The following ALPK2 variants were observed in gnomAD, a reference collection of about 807,000 sequenced individuals.
ALPK2 encodes alpha-protein kinase 2.
In ALPK2, 127 loss-of-function variants were observed where a neutral mutation model predicts 163.1. That is an observed-to-expected ratio of 0.78 (90% CI 0.67 to 0.90). ALPK2 has a LOEUF of 0.90. ALPK2 is among the 40% of genes least tolerant of loss of function. The pLI is 0.00. For missense variants in ALPK2, 2,360 were observed against 2,589.6 expected (o/e 0.91, Z 1.92); for synonymous variants, 953 against 959.1 (o/e 0.99, Z 0.12).
intron 1 of ALPK2, among the ~76,000 whole-genome samples, chr18:58,617,810 AC>A (rs1021906538): frequency 1.6e-4 from 25 of 152,220 alleles, no homozygotes; most frequent in Admixed American, 1.6e-3. Flanking sequence ...TACAGTGTCA[AC>A]CCAATCCGTA....
chr18:58,593,685 C>T (rs1438795474), intron 3 of ALPK2, among the ~76,000 whole-genome samples: 2 of 151,726 alleles, frequency 1.3e-5, no homozygotes, highest in Admixed American at 6.6e-5. Context: ...TAACACCAGC[C>T]TGGCCAACAT....
chr18:58,581,846 G>A (rs1189653006), intron 3 of ALPK2, among the ~76,000 whole-genome samples: 1 of 152,162 alleles, frequency 6.6e-6, no homozygotes, highest in Non-Finnish European at 1.5e-5. Flanking sequence ...TGTTCTTTGT[G>A]TGAAATACAC....
chr18:58,620,894 G>T (rs181535621), intron 1 of ALPK2, among the ~76,000 whole-genome samples: 56 of 152,268 alleles, frequency 3.7e-4, no homozygotes, highest in Non-Finnish European at 7.1e-4. Flanking sequence ...GGTGGCTCCC[G>T]TGTGTAATCC....
chr18:58,525,413 T>C (rs2051579240), intron 6 of ALPK2, among the ~76,000 whole-genome samples: 1 of 152,182 alleles, frequency 6.6e-6, no homozygotes, highest in Middle Eastern at 3.2e-3. Flanking sequence ...TCCAAGGCTC[T>C]AGGATTGGCA....
At chr18:58,543,420 G>A (rs2051701700) in intron 4 of ALPK2, 2 of 985,264 alleles carry the variant, frequency 2.0e-6, no homozygotes, top group African/African-American at 3.5e-5. Flanking sequence ...GGCAGTCTGT[G>A]CGTTGATACA....
chr18:58,566,348 G>C (rs746637723), intron 4 of ALPK2: 19 of 152,114 alleles, frequency 1.2e-4, no homozygotes, highest in Non-Finnish European at 2.5e-4. Context: ...TCTTTCCTCA[G>C]TTTGGTTTAT....
intron 4 of ALPK2, among the ~76,000 whole-genome samples, chr18:58,553,855 T>G (rs1339023457): frequency 5.8e-5 from 4 of 68,384 alleles, no homozygotes; most frequent in African/African-American, 2.1e-4. Flanking sequence ...TTTTGGTTTT[T>G]TTTTTTTTTT....
intron 4 of ALPK2, among the ~76,000 whole-genome samples, chr18:58,565,275 G>A (rs2051845670): frequency 1.3e-5 from 2 of 152,236 alleles, no homozygotes; most frequent in South Asian, 2.1e-4. Context: ...ATATTGAGAA[G>A]TGAAACTGCT....
intron 10 of ALPK2, among the ~76,000 whole-genome samples, 198 bp downstream of exon 10, chr18:58,514,793 TAA>T (rs1348481237): frequency 6.7e-6 from 1 of 148,234 alleles, no homozygotes; most frequent in East Asian, 1.9e-4. Flanking sequence ...TCTTAAATAT[TAA>T]ATATAATATT....
chr18:58,583,311 G>C (rs185709906), intron 3 of ALPK2, among the ~76,000 whole-genome samples: 1 of 152,076 alleles, frequency 6.6e-6, no homozygotes. Context: ...AAACTACAAA[G>C]AGAGGAGGGT....
At chr18:58,622,444 G>T (rs1450542761) in intron 1 of ALPK2, among the ~76,000 whole-genome samples, 1 of 152,152 alleles carries the variant, frequency 6.6e-6, no homozygotes, top group Admixed American at 6.5e-5. Flanking sequence ...ACACAGACAG[G>T]TTAGGTGACA....
At chr18:58,591,653 T>C (rs1275417996) in intron 3 of ALPK2, among the ~76,000 whole-genome samples, 2 of 151,990 alleles carry the variant, frequency 1.3e-5, no homozygotes, top group Non-Finnish European at 1.5e-5. Flanking sequence ...GGTGGAGGGG[T>C]GATCATTCTA....
Position 58,579,084 on chromosome 18 carries a change from G to A in ALPK2, c.1692C>T (p.Leu564=). The A allele has an allele frequency of 6.2e-7, 1 of 1,614,240 alleles. No homozygotes were observed. The highest frequency in any genetic ancestry group is 8.5e-7 in the Non-Finnish European group (1 of 1,180,040). The part of the protein sequence containing the change: ...RESTTEGTLH[L]CSAKESAEPP... ...GCTCAGCAGATTCTTTGGCAGAGCA[G>A]AGATGAAGGGTACCTTCTGTTGTAC... The change falls in exon 4 of 13, where the codon CTC becomes CTT. Residue 564 remains leucine, a synonymous_variant. Transcript: ENST00000361673.
At chr18:58,533,186 G>A (rs1159198759) in intron 5 of ALPK2, among the ~76,000 whole-genome samples, 1 of 152,226 alleles carries the variant, frequency 6.6e-6, no homozygotes, top group Non-Finnish European at 1.5e-5. Flanking sequence ...GTGCAATGGC[G>A]AGGTTGTGCT....
chr18:58,496,171 G>C (rs1407865898), intron 12 of ALPK2, among the ~76,000 whole-genome samples: 1 of 152,174 alleles, frequency 6.6e-6, no homozygotes, highest in Non-Finnish European at 1.5e-5. Flanking sequence ...GGTAGGCTAG[G>C]CAAATTCCTA....
chr18:58,562,134 G>A (rs2051828594), intron 4 of ALPK2, among the ~76,000 whole-genome samples: 1 of 152,174 alleles, frequency 6.6e-6, no homozygotes, highest in Non-Finnish European at 1.5e-5. Flanking sequence ...TAACCTCTTT[G>A]AGCGTTATGG....
intron 4 of ALPK2, among the ~76,000 whole-genome samples, chr18:58,546,367 C>A (rs1203638728): frequency 2.0e-5 from 3 of 152,066 alleles, no homozygotes; most frequent in Non-Finnish European, 4.4e-5. Context: ...TGGTTCACAC[C>A]CTTCCTAGGA....
rs9944810 is a variant in ALPK2 at position 58,580,368 on chromosome 18, C to T, written c.408G>A (p.Arg136=). ...KHETGTHEEE[R]ANQIDEKEHP... is the part of the protein sequence containing the mutation. ...GTTCCTTCTCATCAATCTGATTTGC[C>T]CTTTCTTCTTCATGTGTCCCTGTTT... Residue 136 remains arginine (R), a synonymous_variant, in exon 4 of 13, where the codon AGG becomes AGA. Coordinates refer to ENST00000361673, the MANE Select transcript of ALPK2 (RefSeq NM_052947.4). The T allele has an allele frequency of 6.2e-7, 1 of 1,613,832 alleles. No individual in the cohort carries two copies.
chr18:58,556,572 G>C (rs2051793563), intron 4 of ALPK2, among the ~76,000 whole-genome samples: 1 of 152,052 alleles, frequency 6.6e-6, no homozygotes, highest in South Asian at 2.1e-4. Flanking sequence ...GGTGGAGCTG[G>C]TGGAGGAAGG....
Sources: gnomAD v4.1 joint callset for allele counts (sites outside exome capture counted in the v4.1 genomes callset) on GRCh38, gnomAD v4.1.1 for gene constraint, MANE v1.5 for transcripts, NCBI Gene and HGNC (gene_info 2026-07-23, HGNC 2026-07-21) for gene names.